Variants in CNTNAP2 observed in about 807,000 individuals in gnomAD.
The protein encoded by CNTNAP2 is contactin-associated protein-like 2.
A neutral mutation model predicts 155.2 loss-of-function variants in CNTNAP2; 98 were observed. That is an observed-to-expected ratio of 0.63 (90% CI 0.54 to 0.75). The LOEUF is 0.75. CNTNAP2 is among the 30% of genes least tolerant of loss of function. CNTNAP2 has a pLI of 0.00. For synonymous variants in CNTNAP2, 651 were observed against 631.2 expected (o/e 1.03, Z -0.47); for missense variants, 1,727 against 1,688.1 (o/e 1.02, Z -0.40).
chr7:146,644,786 A>T (rs1161648544), intron 1 of CNTNAP2, among the ~76,000 whole-genome samples: 3 of 152,186 alleles, frequency 2.0e-5, no homozygotes, highest in Non-Finnish European at 4.4e-5. Context: ...ACCAGGAAGA[A>T]GTTGACTCTC....
intron 12 of CNTNAP2, among the ~76,000 whole-genome samples, chr7:147,591,739 C>A (rs2116844764): frequency 6.6e-6 from 1 of 152,152 alleles, no homozygotes; most frequent in Admixed American, 6.5e-5. Context: ...ATTTGTTCCC[C>A]AGTAGCCTTC....
intron 18 of CNTNAP2, among the ~76,000 whole-genome samples, chr7:148,189,322 G>A (rs1795166948): frequency 6.6e-6 from 1 of 152,182 alleles, no homozygotes; most frequent in South Asian, 2.1e-4. Flanking sequence ...GGAGAGGACA[G>A]CAACATTTAG....
chr7:148,179,856 A>G (rs1795007088), intron 18 of CNTNAP2, among the ~76,000 whole-genome samples: 1 of 152,104 alleles, frequency 6.6e-6, no homozygotes, highest in Non-Finnish European at 1.5e-5. Context: ...TCTAAGGAAG[A>G]GAGGGTTTTC....
intron 1 of CNTNAP2, among the ~76,000 whole-genome samples, chr7:146,729,209 C>T (rs1247256174): frequency 6.6e-6 from 1 of 152,178 alleles, no homozygotes; most frequent in Non-Finnish European, 1.5e-5. Context: ...GACAGCAACT[C>T]ACCACCTCCA....
chr7:146,812,460 A>G (rs948744297), intron 2 of CNTNAP2, among the ~76,000 whole-genome samples: 3 of 147,712 alleles, frequency 2.0e-5, no homozygotes, highest in Admixed American at 6.8e-5. Flanking sequence ...ATATATATAT[A>G]TATTTATACT....
At chr7:146,788,595 T>C (rs1802617442) in intron 2 of CNTNAP2, among the ~76,000 whole-genome samples, 2 of 152,166 alleles carry the variant, frequency 1.3e-5, no homozygotes, top group Non-Finnish European at 2.9e-5. Flanking sequence ...ACCACATTTA[T>C]ATTCCCAAAC....
At chr7:146,963,850 T>C (rs1380339838) in intron 3 of CNTNAP2, among the ~76,000 whole-genome samples, 2 of 152,156 alleles carry the variant, frequency 1.3e-5, no homozygotes, top group Non-Finnish European at 2.9e-5. Context: ...GGCTCAACAC[T>C]GTAGGATTCT....
At chr7:147,917,879 C>T (rs1433250816) in intron 14 of CNTNAP2, among the ~76,000 whole-genome samples, 1 of 152,188 alleles carries the variant, frequency 6.6e-6, no homozygotes, top group Non-Finnish European at 1.5e-5. Flanking sequence ...TGCTTTACCT[C>T]ACTCACACTG....
chr7:147,808,505 T>C (rs946227630), intron 13 of CNTNAP2, among the ~76,000 whole-genome samples: 2 of 152,206 alleles, frequency 1.3e-5, no homozygotes, highest in Admixed American at 1.3e-4. Flanking sequence ...ATTCTCTAGA[T>C]TTGACATAAA....
intron 9 of CNTNAP2, among the ~76,000 whole-genome samples, chr7:147,381,553 A>G (rs1796536526): frequency 6.6e-6 from 1 of 152,168 alleles, no homozygotes; most frequent in African/African-American, 2.4e-5. Flanking sequence ...CAACTAGGTC[A>G]TGAAAAAGAC....
At chr7:146,384,622 A>T (rs575989410) in intron 1 of CNTNAP2, among the ~76,000 whole-genome samples, 118 of 152,258 alleles carry the variant, frequency 7.7e-4, no homozygotes, top group African/African-American at 2.8e-3. Context: ...TCATTGTGTA[A>T]TCTTATGTAG....
At chr7:146,808,932 G>T (rs1803015619) in intron 2 of CNTNAP2, among the ~76,000 whole-genome samples, 3 of 152,140 alleles carry the variant, frequency 2.0e-5, no homozygotes, top group Middle Eastern at 3.2e-3. Flanking sequence ...GTGCTTGTGT[G>T]CATACATGTC....
intron 13 of CNTNAP2, among the ~76,000 whole-genome samples, chr7:147,803,423 G>A (rs775103342): frequency 1.3e-5 from 2 of 152,174 alleles, no homozygotes; most frequent in Admixed American, 6.5e-5. Context: ...TGGACCTGCT[G>A]GTGGCACCGC....
intron 1 of CNTNAP2, among the ~76,000 whole-genome samples, chr7:146,631,803 A>C (rs190579027): frequency 7.4e-4 from 113 of 152,242 alleles, no homozygotes; most frequent in African/African-American, 2.7e-3. Flanking sequence ...ACTTACATAC[A>C]AACTCACTTT....
At chr7:147,820,136 G>A (rs964294646) in intron 13 of CNTNAP2, among the ~76,000 whole-genome samples, 1 of 151,982 alleles carries the variant, frequency 6.6e-6, no homozygotes, top group Admixed American at 6.6e-5. Context: ...AGTTCTAGTT[G>A]CTTTTCCCTT....
At chr7:147,315,347 T>C (rs933543909) in intron 9 of CNTNAP2, among the ~76,000 whole-genome samples, 1 of 151,088 alleles carries the variant, frequency 6.6e-6, no homozygotes, top group Non-Finnish European at 1.5e-5. Context: ...TCGGCCATTT[T>C]CATGACCCCA....
chr7:148,005,373 A>T (rs1409045412), intron 15 of CNTNAP2, among the ~76,000 whole-genome samples: 1 of 152,164 alleles, frequency 6.6e-6, no homozygotes, highest in Non-Finnish European at 1.5e-5. Context: ...GGGTTTTAGC[A>T]TAGGAATTTG....
intron 18 of CNTNAP2, among the ~76,000 whole-genome samples, chr7:148,212,905 C>T (rs898259851): frequency 1.9e-4 from 29 of 152,244 alleles, no homozygotes; most frequent in Middle Eastern, 3.4e-3. Flanking sequence ...TATATCCCTT[C>T]CTGCAAAACT....
In CNTNAP2 at chr7:146,794,738, C is replaced by T. The variant is rs538388364; in HGVS notation, c.208+20357C>T. Among the ~76,000 whole-genome samples, 35 of 152,144 alleles carry T rather than the reference C, an allele frequency of 2.3e-4. No individual in the cohort carries two copies. In the South Asian group the frequency reaches 2.5e-3, roughly 11 times the overall value. ...CGAATGCTCCAAAGCTGTCAAACCA[C>T]GAGAGGAATAATGTATTATACCGAT... On this transcript the variant is annotated intron_variant, in intron 2 of 23. Coordinates refer to ENST00000361727, the MANE Select transcript of CNTNAP2 (RefSeq NM_014141.6).
Sources: allele counts gnomAD v4.1 joint callset (sites outside exome capture counted in the v4.1 genomes callset), GRCh38; gene constraint gnomAD v4.1.1; transcripts MANE v1.5; gene names NCBI Gene and HGNC (gene_info 2026-07-23, HGNC 2026-07-21).